Variants in JHY observed in about 807,000 individuals in gnomAD.
JHY encodes the protein jhy protein homolog.
In JHY, 69 loss-of-function variants were observed where a neutral mutation model predicts 78.0. That is an observed-to-expected ratio of 0.88 (90% CI 0.73 to 1.08). JHY has a LOEUF of 1.08. Among genes scored for constraint, JHY ranks in the 50% least tolerant of loss-of-function variants. The probability of loss-of-function intolerance (pLI) is 0.00; values close to 1 mark genes in which losing one functional copy is unlikely to be tolerated. For synonymous variants in JHY, 368 were observed against 342.6 expected (o/e 1.07, Z -0.82); for missense variants, 944 against 927.8 (o/e 1.02, Z -0.23).
At position 122,883,343 on chromosome 11, in the gene JHY, C is replaced by T. The variant is rs1435622718; in HGVS notation, c.-90+371C>T. ...CCGAACGCCTCCCCTGGGCAGCTTCCGGCCTGTTTCAAACCAGGGTTCGTT... is the reference window on the plus strand; with the variant it reads ...CCGAACGCCTCCCCTGGGCAGCTTCTGGCCTGTTTCAAACCAGGGTTCGTT... On this transcript the variant is annotated intron_variant, in intron 1 of 8. Coordinates refer to ENST00000227349, the MANE Select transcript of JHY (RefSeq NM_024806.4). The surrounding 1 kb of genome is among the most constrained non-coding windows in gnomAD (Gnocchi z 4.4). 1.3e-5 allele frequency among the ~76,000 whole-genome samples: 2 copies of T among 152,132 alleles called. No homozygotes were observed. Among genetic ancestry groups the T allele is most frequent in the African/African-American group, 2.4e-5 (1 of 41,442 alleles).
intron 7 of JHY, 38 bp from the exon 8 acceptor site, chr11:122,957,325 A>G: frequency 2.0e-6 from 3 of 1,499,994 alleles, no homozygotes; most frequent in Non-Finnish European, 1.8e-6. Context: ...GAGAACTAGC[A>G]GCACCTGGAT....
At position 122,959,369 on chromosome 11, in the gene JHY, T is replaced by A; in HGVS notation, c.2261T>A (p.Leu754Gln). Residue 754 changes from leucine to glutamine, a missense_variant, in exon 9 of 9, where the codon CTG becomes CAG. By Grantham distance (113) the Leu-to-Gln change is moderately radical. Coordinates refer to ENST00000227349, the MANE Select transcript of JHY (RefSeq NM_024806.4). ...GAAGAAAGTTTACCTGAAATCTCAC[T>A]GCTGGAAATACTGCAGAACAGACAC... ...GKEESLPEIS[L>Q]LEILQNRHER... 1 of 1,614,118 alleles carries A rather than the reference T, an allele frequency of 6.2e-7. No individual in the cohort carries two copies. Among genetic ancestry groups the A allele is most frequent in the East Asian group, 2.2e-5 (1 of 44,868 alleles).
chr11:122,924,726 C>T (rs902659532), intron 3 of JHY, among the ~76,000 whole-genome samples, 171 bp from the exon 4 acceptor site: 5 of 152,160 alleles, frequency 3.3e-5, no homozygotes, highest in African/African-American at 1.2e-4. Flanking sequence ...TATTCCCATT[C>T]TCCTTAAGAA....
rs148198122 is a variant in JHY, at chr11:122,887,162, G to A, written c.344+969G>A. ...ATAGTGGCTCTGCCACTTACTAGCT[G>A]TATAACCTTGGCCAAGTCCAATTAT... On this transcript the variant is annotated intron_variant, in intron 2 of 8. Coordinates refer to ENST00000227349, the MANE Select transcript of JHY (RefSeq NM_024806.4). Among the ~76,000 whole-genome samples the A allele has an allele frequency of 1.2e-3, 188 of 152,290 alleles. 2 individuals are homozygous for A. The highest frequency in any genetic ancestry group is 4.3e-3 in the African/African-American group (177 of 41,566).
chr11:122,903,189 T>C (rs879820319), intron 2 of JHY, among the ~76,000 whole-genome samples: 17 of 152,354 alleles, frequency 1.1e-4, no homozygotes, highest in Non-Finnish European at 2.1e-4. Flanking sequence ...TGTTAGTCAG[T>C]GTATGAAATG....
chr11:122,954,962 C>G (rs902400384), intron 6 of JHY, among the ~76,000 whole-genome samples: 2 of 152,304 alleles, frequency 1.3e-5, no homozygotes, highest in African/African-American at 4.8e-5. Context: ...TAGTAACTTA[C>G]GTGTGCCTTA....
intron 2 of JHY, among the ~76,000 whole-genome samples, chr11:122,903,656 A>T (rs996791320): frequency 6.6e-6 from 1 of 151,888 alleles, no homozygotes. Context: ...TTTTAAAAAA[A>T]TTTGTTGTAA....
At position 122,934,461 on chromosome 11, in the gene JHY, A is replaced by C. The variant is rs759356744; in HGVS notation, c.1020A>C (p.Ser340=). 6.2e-7 allele frequency: 1 copy of C among 1,613,786 alleles called. No individual in the cohort carries two copies. ...GGTCTCAATATGAAAGTACAAAATC[A>C]AGCAATGTACCAAGAGGGCAACCTT... ...EHWSQYESTK[S]SNVPRGQPSD... The change falls in exon 5 of 9, where the codon TCA becomes TCC. Residue 340 remains serine, a synonymous_variant. Coordinates refer to ENST00000227349, the MANE Select transcript of JHY (RefSeq NM_024806.4).
At chr11:122,942,563 A>T (rs1863895288) in intron 5 of JHY, among the ~76,000 whole-genome samples, 1 of 152,062 alleles carries the variant, frequency 6.6e-6, no homozygotes, top group Non-Finnish European at 1.5e-5. Flanking sequence ...AGCTGGGATT[A>T]CAGGCATACG....
intron 2 of JHY, among the ~76,000 whole-genome samples, chr11:122,902,876 A>G (rs1407113974): frequency 6.6e-6 from 1 of 152,242 alleles, no homozygotes; most frequent in Admixed American, 6.5e-5. Context: ...ACAGTTCGAC[A>G]TGAGATTTGG....
intron 2 of JHY, among the ~76,000 whole-genome samples, chr11:122,895,664 G>A (rs1430341890): frequency 2.6e-5 from 4 of 152,152 alleles, no homozygotes; most frequent in African/African-American, 9.7e-5. Context: ...CTCTGCATCT[G>A]CTGTCTGAAC....
At chr11:122,940,451 G>A (rs973136815) in intron 5 of JHY, among the ~76,000 whole-genome samples, 6 of 152,130 alleles carry the variant, frequency 3.9e-5, no homozygotes, top group African/African-American at 7.2e-5. Flanking sequence ...TATTTAGGTT[G>A]ACCATTTCAG....
chr11:122,963,790 A>G lies in JHY; in HGVS notation c.*4345A>G, dbSNP rs1864358011. 6.6e-6 allele frequency among the ~76,000 whole-genome samples: 1 copy of G among 152,216 alleles called. No individual in the cohort carries two copies. Among genetic ancestry groups the G allele is most frequent in the African/African-American group, 2.4e-5 (1 of 41,460 alleles). ...CTGTATTTGACTAGATGTTATATACATGCCATTGAAAGACATAGTACCTAA... is the reference window on the plus strand; with the variant it reads ...CTGTATTTGACTAGATGTTATATACGTGCCATTGAAAGACATAGTACCTAA... On this transcript the variant is annotated 3_prime_UTR_variant, in exon 9 of 9. Coordinates refer to ENST00000227349, the MANE Select transcript of JHY (RefSeq NM_024806.4).
intron 3 of JHY, among the ~76,000 whole-genome samples, chr11:122,916,763 C>T (rs1314037357): frequency 6.6e-6 from 1 of 152,064 alleles, no homozygotes; most frequent in Non-Finnish European, 1.5e-5. Flanking sequence ...GCTCAGCCAC[C>T]GAGTAGCTGG....
chr11:122,955,169 G>A (rs1864163355), intron 6 of JHY, among the ~76,000 whole-genome samples: 1 of 152,116 alleles, frequency 6.6e-6, no homozygotes, highest in Non-Finnish European at 1.5e-5. Context: ...CACTCAGGCT[G>A]GAATGCAGTG....
rs573391147 is a variant in JHY, at chr11:122,961,055, G to A, written c.*1610G>A. ...AGTGCATTTGGGACCTAAAGCTGTTGGCAAAGAAGACTCATGCACAGCCAG... is the reference window on the plus strand; with the variant it reads ...AGTGCATTTGGGACCTAAAGCTGTTAGCAAAGAAGACTCATGCACAGCCAG... On this transcript the variant is annotated 3_prime_UTR_variant, in exon 9 of 9. Coordinates refer to ENST00000227349, the MANE Select transcript of JHY (RefSeq NM_024806.4). 2 of 1,073,516 alleles carry A rather than the reference G, an allele frequency of 1.9e-6. No homozygotes were observed. Among genetic ancestry groups the A allele is most frequent in the East Asian group, 2.5e-5 (1 of 39,866 alleles). 66.5% of individuals were successfully genotyped at this position (1,073,516 alleles called of 1,614,324 possible).
At chr11:122,946,891 G>A (rs1863977054) in intron 6 of JHY, 99 bp downstream of exon 6, 1 of 1,407,348 alleles carries the variant, frequency 7.1e-7, no homozygotes, top group Admixed American at 2.4e-5. Context: ...GGTCATTACT[G>A]AGTTGCTGCC....
chr11:122,903,036 A>G (rs1862895431), intron 2 of JHY, among the ~76,000 whole-genome samples: 1 of 152,238 alleles, frequency 6.6e-6, no homozygotes, highest in South Asian at 2.1e-4. Context: ...TGTTTATACC[A>G]GCAGCACCAC....
At chr11:122,887,078 A>G (rs1565303243) in intron 2 of JHY, among the ~76,000 whole-genome samples, 1 of 152,184 alleles carries the variant, frequency 6.6e-6, no homozygotes, top group Admixed American at 6.5e-5. Context: ...ATTGATTAGG[A>G]GGAGGTTTTA....
Sources: gnomAD v4.1 joint callset for allele counts (sites outside exome capture counted in the v4.1 genomes callset) on GRCh38, gnomAD v4.1.1 for gene constraint, Gnocchi (gnomAD v3.1) non-coding constraint, MANE v1.5 for transcripts, NCBI Gene and HGNC (gene_info 2026-07-23, HGNC 2026-07-21) for gene names.